The following PDE4D variants were observed in gnomAD, a reference collection of about 807,000 sequenced individuals.
PDE4D encodes the protein phosphodiesterase 4D, also known as 3',5'-cyclic-AMP phosphodiesterase 4D.
PDE4D carries 24 observed loss-of-function variants against 87.4 expected under a neutral mutation model. The ratio of observed to expected loss-of-function variants is 0.27; its 90% confidence interval spans 0.20 to 0.39. The LOEUF (loss-of-function observed/expected upper bound fraction) is 0.39, where lower values mean the gene tolerates loss of function less well. PDE4D is among the 10% of genes least tolerant of loss of function. PDE4D has a pLI of 1.00. For synonymous variants in PDE4D, 384 were observed against 383.2 expected, an observed-to-expected ratio of 1.00 and a Z score of -0.02; for missense variants, 714 against 1,041.0, an observed-to-expected ratio of 0.69 and a Z score of 4.32.
chr5:59,257,159 T>C (rs1162223354), intron 1 of PDE4D, among the ~76,000 whole-genome samples: 2 of 152,060 alleles, frequency 1.3e-5, no homozygotes, highest in African/African-American at 2.4e-5. Context: ...TTTGTCATGA[T>C]TTTGCTGTTT....
chr5:60,351,700 C>A lies in PDE4D; in HGVS notation c.-90+136242G>T, dbSNP rs113217732. On this transcript the variant is annotated intron_variant, in intron 1 of 16. Coordinates refer to the PDE4D transcript ENST00000502484. ...TTTAATTCACTATTTGGAAAGGAATCAGTATTATTATAGCTGAATATAATT... is the reference window on the plus strand; with the variant it reads ...TTTAATTCACTATTTGGAAAGGAATAAGTATTATTATAGCTGAATATAATT... Among the ~76,000 whole-genome samples, 8 of 152,218 alleles carry A rather than the reference C, an allele frequency of 5.3e-5. 1 individual carries two copies. Among genetic ancestry groups the A allele is most frequent in the African/African-American group, 1.9e-4 (8 of 41,552 alleles).
chr5:59,743,958 G>A (rs1040567358), intron 1 of PDE4D, among the ~76,000 whole-genome samples: 2 of 152,102 alleles, frequency 1.3e-5, no homozygotes, highest in Non-Finnish European at 2.9e-5. Flanking sequence ...CAGACAGATC[G>A]ATAGATAGAT....
At chr5:59,534,184 G>A (rs937971256) in intron 1 of PDE4D, among the ~76,000 whole-genome samples, 5 of 152,182 alleles carry the variant, frequency 3.3e-5, no homozygotes, top group Middle Eastern at 3.4e-3. Flanking sequence ...ATATTTTCCA[G>A]AGATTGATTT....
intron 1 of PDE4D, among the ~76,000 whole-genome samples, chr5:59,447,434 C>G (rs2153638782): frequency 6.6e-6 from 1 of 152,330 alleles, no homozygotes; most frequent in South Asian, 2.1e-4. Context: ...GTGCACCAAT[C>G]ACACACTTGG....
intron 2 of PDE4D, among the ~76,000 whole-genome samples, chr5:60,085,484 C>T (rs1774426346): frequency 6.6e-6 from 1 of 152,008 alleles, no homozygotes; most frequent in African/African-American, 2.4e-5. Flanking sequence ...AACATTTAAT[C>T]CAAGCAAATA....
chr5:59,821,772 T>C (rs1769710295), intron 1 of PDE4D, among the ~76,000 whole-genome samples: 1 of 152,208 alleles, frequency 6.6e-6, no homozygotes, highest in Non-Finnish European at 1.5e-5. Context: ...TCATTTCCAA[T>C]TTCTACGGTG....
intron 1 of PDE4D, among the ~76,000 whole-genome samples, chr5:60,516,147 G>C (rs1750793974): frequency 6.6e-6 from 1 of 152,300 alleles, no homozygotes; most frequent in Admixed American, 6.5e-5. Context: ...AAAAGTTAAT[G>C]GTGAAAGATT....
rs1743047884 is a variant in PDE4D at position 58,973,730 on chromosome 5, C to G, written c.*934G>C. ...GTCACTTTGCACATGAAGAAAAACA[C>G]TGGTGAAGAGCAACTCTGCTTATCT... is the stretch of plus-strand genomic sequence containing the variant. On this transcript the variant is annotated 3_prime_UTR_variant, in exon 15 of 15. Transcript: ENST00000340635. The G allele has an allele frequency of 1.3e-5, 2 of 152,516 alleles. No homozygotes were observed. Among genetic ancestry groups the G allele is most frequent in the African/African-American group, 4.8e-5 (2 of 41,426 alleles). 9.4% of individuals were successfully genotyped at this position (152,516 alleles called of 1,614,324 possible).
intron 3 of PDE4D, among the ~76,000 whole-genome samples, chr5:59,972,229 C>G (rs1760855688): frequency 1.3e-5 from 2 of 152,190 alleles, no homozygotes; most frequent in African/African-American, 4.8e-5. Context: ...TCCTACTCCC[C>G]TAGTGGAAGG....
At chr5:60,497,332 G>T (rs1240019124) in intron 1 of PDE4D, among the ~76,000 whole-genome samples, 2 of 152,116 alleles carry the variant, frequency 1.3e-5, no homozygotes, top group Non-Finnish European at 2.9e-5. Flanking sequence ...TGCTAATTGG[G>T]GGGTTAGGTG....
At chr5:60,303,071 C>T (rs997487336) in intron 1 of PDE4D, among the ~76,000 whole-genome samples, 7 of 152,092 alleles carry the variant, frequency 4.6e-5, no homozygotes, top group African/African-American at 9.7e-5. Flanking sequence ...TCAAATGATC[C>T]GCTCACCTAG....
intron 5 of PDE4D, among the ~76,000 whole-genome samples, chr5:59,070,414 C>T (rs1764588499): frequency 1.3e-5 from 2 of 152,148 alleles, no homozygotes; most frequent in South Asian, 4.1e-4. Context: ...TTAGCTGATT[C>T]ATTTGCTATA....
At chr5:59,401,624 G>A (rs955839850) in intron 1 of PDE4D, among the ~76,000 whole-genome samples, 7 of 152,016 alleles carry the variant, frequency 4.6e-5, no homozygotes, top group African/African-American at 1.5e-4. Context: ...GTATTACACT[G>A]AAATGTTAGG....
At chr5:59,456,000 T>C (rs1562221275) in intron 1 of PDE4D, among the ~76,000 whole-genome samples, 1 of 152,202 alleles carries the variant, frequency 6.6e-6, no homozygotes, top group Admixed American at 6.5e-5. Context: ...TACTTTTGAT[T>C]TTACAGGCTC....
At chr5:59,765,235 G>A (rs1031101570) in intron 1 of PDE4D, among the ~76,000 whole-genome samples, 1 of 152,170 alleles carries the variant, frequency 6.6e-6, no homozygotes, top group South Asian at 2.1e-4. Context: ...CTACTGTTTA[G>A]AAGCAAGGTC....
chr5:60,456,825 C>A (rs1187452361), intron 1 of PDE4D, among the ~76,000 whole-genome samples: 3 of 152,244 alleles, frequency 2.0e-5, no homozygotes, highest in Admixed American at 2.0e-4. Context: ...CCCGAGTTAT[C>A]CTCTGTAGGA....
At chr5:59,224,293 TACACACAC>T (rs35273659) in intron 1 of PDE4D, among the ~76,000 whole-genome samples, 59 of 135,500 alleles carry the variant, frequency 4.4e-4, no homozygotes, top group African/African-American at 1.2e-3. Context: ...CACACACACA[TACACACAC>T]ACACACACAC....
chr5:60,502,170 A>C (rs1241723486), intron 1 of PDE4D, among the ~76,000 whole-genome samples: 1 of 152,018 alleles, frequency 6.6e-6, no homozygotes, highest in Non-Finnish European at 1.5e-5. Flanking sequence ...ATCTTGAATT[A>C]ATTTTTGTAT....
intron 1 of PDE4D, among the ~76,000 whole-genome samples, chr5:59,350,844 G>A (rs1199032901): frequency 6.6e-6 from 1 of 152,168 alleles, no homozygotes; most frequent in Non-Finnish European, 1.5e-5. Flanking sequence ...AAGTGATAAT[G>A]TGAAAATGTG....
Sources: allele counts gnomAD v4.1 joint callset (sites outside exome capture counted in the v4.1 genomes callset), GRCh38; gene constraint gnomAD v4.1.1; transcripts MANE v1.5; gene names NCBI Gene and HGNC (gene_info 2026-07-23, HGNC 2026-07-21).